The following PHIP variants were observed in gnomAD, a reference collection of about 807,000 sequenced individuals.
PHIP encodes the protein PHIP subunit of CUL4-Ring ligase complex, also known as PH-interacting protein.
A neutral mutation model predicts 236.8 loss-of-function variants in PHIP; 54 were observed. The observed-to-expected ratio is 0.23, with a 90% confidence interval of 0.18 to 0.29. The LOEUF (loss-of-function observed/expected upper bound fraction) is 0.29. PHIP is among the 10% of genes least tolerant of loss of function. The pLI, the probability that PHIP is intolerant of heterozygous loss-of-function variation, is 1.00. For missense variants in PHIP, 1,370 were observed against 2,190.8 expected, an observed-to-expected ratio of 0.63 and a Z score of 7.48; for synonymous variants, 756 against 718.9, an observed-to-expected ratio of 1.05 and a Z score of -0.83.
intron 17 of PHIP, among the ~76,000 whole-genome samples, chr6:79,001,566 A>G (rs1039601657): frequency 2.6e-5 from 4 of 152,080 alleles, no homozygotes; most frequent in Non-Finnish European, 5.9e-5. Flanking sequence ...CTGAATAGCC[A>G]TGGCTTAGCA....
intron 24 of PHIP, among the ~76,000 whole-genome samples, chr6:78,973,950 A>C (rs1338719583): frequency 6.6e-6 from 1 of 152,088 alleles, no homozygotes; most frequent in Non-Finnish European, 1.5e-5. Flanking sequence ...CCCCACTGTC[A>C]ACATTAGACA....
At chr6:79,022,421 C>A (rs537091553) in intron 9 of PHIP, among the ~76,000 whole-genome samples, 1 of 152,114 alleles carries the variant, frequency 6.6e-6, no homozygotes, top group Non-Finnish European at 1.5e-5. Flanking sequence ...TGACATTATA[C>A]CTCTAGTAGT....
At position 78,940,717 on chromosome 6, in the gene PHIP, T is replaced by C; in HGVS notation, c.5442A>G (p.Ala1814=). 1 of 1,612,348 alleles carries C rather than the reference T, an allele frequency of 6.2e-7. No individual in the cohort carries two copies. Among genetic ancestry groups the C allele is most frequent in the South Asian group, 1.1e-5 (1 of 90,950 alleles). Residue 1814 remains alanine (A), a synonymous_variant, in exon 40 of 40, where the codon GCA becomes GCG. Transcript: ENST00000275034. ...GTTACCAACCAATTAAATTAGCTTT[T>C]GCTTTTTCAGTCAACTTTCGGACTC... ...RGRVRKLTEK[A]KANLIGW
chr6:79,016,425 G>A (rs1321139471), intron 13 of PHIP, 119 bp downstream of exon 13: 12 of 478,924 alleles, frequency 2.5e-5, no homozygotes, highest in Admixed American at 7.2e-5. Flanking sequence ...TCTAGTTATC[G>A]CAGAAAAGTA....
Position 79,012,539 on chromosome 6 carries a change from A to G in PHIP, c.1524+2543T>C, listed in dbSNP as rs192091240. 2.4e-4 allele frequency among the ~76,000 whole-genome samples: 36 copies of G among 151,712 alleles called. 1 individual carries two copies. The highest frequency in any genetic ancestry group is 8.7e-4 in the African/African-American group (36 of 41,416). ...GACTAGACCCTTCACATGGTGCTCA[A>G]AAAATATTTACTAAACTGAACTTGT... On this transcript the variant is annotated intron_variant, in intron 15 of 39. Coordinates refer to ENST00000275034, the MANE Select transcript of PHIP (RefSeq NM_017934.7).
chr6:78,943,899 T>G (rs1284706681), intron 39 of PHIP, among the ~76,000 whole-genome samples: 3 of 149,678 alleles, frequency 2.0e-5, no homozygotes, highest in Non-Finnish European at 4.4e-5. Flanking sequence ...GGCAGAAGAA[T>G]TGCTTGAACC....
intron 6 of PHIP, among the ~76,000 whole-genome samples, chr6:79,057,344 T>C (rs1408163004): frequency 6.6e-6 from 1 of 152,064 alleles, no homozygotes; most frequent in South Asian, 2.1e-4. Flanking sequence ...ATGAATAAGG[T>C]CTGCTGTTTA....
In PHIP at chr6:78,935,707, A is replaced by C; in HGVS notation, c.*4986T>G. On this transcript the variant is annotated 3_prime_UTR_variant, in exon 40 of 40. Transcript: ENST00000275034. ...ACTGACAGTTTTCACACTTTGCAAA[A>C]CACACAGGGCACTGGAAACTCTAAT... The C allele has an allele frequency of 2.0e-6, 2 of 985,250 alleles. No individual in the cohort carries two copies. 61.0% of individuals were successfully genotyped at this position (985,250 alleles called of 1,614,324 possible).
At chr6:79,050,308 A>G (rs911761322) in intron 6 of PHIP, among the ~76,000 whole-genome samples, 6 of 152,264 alleles carry the variant, frequency 3.9e-5, no homozygotes, top group African/African-American at 1.4e-4. Context: ...AATATTTTAC[A>G]TATATTCTCA....
At chr6:79,054,256 T>C (rs1018738383) in intron 6 of PHIP, among the ~76,000 whole-genome samples, 14 of 145,200 alleles carry the variant, frequency 9.6e-5, no homozygotes, top group African/African-American at 3.1e-4. Flanking sequence ...CTGTGTCAAA[T>C]AGAAATATGA....
chr6:78,982,431 T>C (rs559936169), intron 23 of PHIP, among the ~76,000 whole-genome samples: 138 of 152,196 alleles, frequency 9.1e-4, no homozygotes, highest in African/African-American at 3.2e-3. Context: ...CCCCACTTTA[T>C]TCGCCTTGGG....
Position 79,002,481 on chromosome 6 carries a change from C to T in PHIP, c.1654-357G>A, listed in dbSNP as rs116281553. On this transcript the variant is annotated intron_variant, in intron 16 of 39. Coordinates refer to ENST00000275034, the MANE Select transcript of PHIP (RefSeq NM_017934.7). The stretch of plus-strand genomic sequence containing the variant: ...AACAACTCATAAGTTTAACTGTGCA[C>T]TGTTCCAAAATGCATAATGAAATCA... Among the ~76,000 whole-genome samples the T allele has an allele frequency of 3.1e-3, 476 of 152,160 alleles. 2 individuals carry two copies. The highest frequency in any genetic ancestry group is 0.01 in the African/African-American group (421 of 41,542).
intron 6 of PHIP, among the ~76,000 whole-genome samples, chr6:79,048,850 A>G (rs1772639844): frequency 6.6e-6 from 1 of 152,166 alleles, no homozygotes; most frequent in African/African-American, 2.4e-5. Flanking sequence ...ATGCAAGGAA[A>G]AGCATGTAGC....
intron 39 of PHIP, 72 bp downstream of exon 39, chr6:78,945,228 T>A: frequency 8.7e-7 from 1 of 1,149,130 alleles, no homozygotes; most frequent in South Asian, 1.3e-5. Context: ...TGGATATAAA[T>A]GCTGATTCCA....
chr6:78,965,111 T>C (rs1767046641), intron 29 of PHIP, among the ~76,000 whole-genome samples: 1 of 152,220 alleles, frequency 6.6e-6, no homozygotes, highest in Non-Finnish European at 1.5e-5. Flanking sequence ...ATGACAGTTA[T>C]ATTATCATTA....
chr6:78,967,978 C>CA lies in PHIP; in HGVS notation c.3205+1856dup, dbSNP rs545254847. Among the ~76,000 whole-genome samples the CA allele has an allele frequency of 4.1e-3, 611 of 147,412 alleles. 4 individuals are homozygous for CA. Among genetic ancestry groups the CA allele is most frequent in the South Asian group, 0.032 (147 of 4,638 alleles). On this transcript the variant is annotated intron_variant, in intron 27 of 39. Coordinates refer to ENST00000275034, the MANE Select transcript of PHIP (RefSeq NM_017934.7). ...TGAAACCCTGTCTCTACTAAAAATACAAAAAAAAAATTAGCCAGGCGTGGT... is the reference window on the plus strand; with the variant it reads ...TGAAACCCTGTCTCTACTAAAAATACAAAAAAAAAAATTAGCCAGGCGTGGT...
intron 6 of PHIP, among the ~76,000 whole-genome samples, chr6:79,056,854 G>C (rs533209846): frequency 6.6e-6 from 1 of 152,218 alleles, no homozygotes. Context: ...CTAGCCCAGT[G>C]CCAGATATAA....
chr6:78,960,214 T>C (rs1562126505), intron 31 of PHIP, among the ~76,000 whole-genome samples: 1 of 152,218 alleles, frequency 6.6e-6, no homozygotes, highest in Non-Finnish European at 1.5e-5. Flanking sequence ...AAACCTTATG[T>C]ATAGTATACT....
chr6:78,985,560 A>T (rs1198175767), intron 21 of PHIP, 132 bp from the exon 22 acceptor site: 17 of 688,598 alleles, frequency 2.5e-5, no homozygotes, highest in Non-Finnish European at 4.2e-5. Context: ...AATTAGTTGC[A>T]AAGGGTGTTG....
Sources: allele counts gnomAD v4.1 joint callset (sites outside exome capture counted in the v4.1 genomes callset), GRCh38; gene constraint gnomAD v4.1.1; transcripts MANE v1.5; gene names NCBI Gene and HGNC (gene_info 2026-07-23, HGNC 2026-07-21).